Variants in IGF2R observed in about 807,000 individuals in gnomAD.
The protein encoded by IGF2R is cation-independent mannose-6-phosphate receptor.
A neutral mutation model predicts 270.6 loss-of-function variants in IGF2R; 91 were observed. That is an observed-to-expected ratio of 0.34 (90% confidence interval 0.28 to 0.40). The LOEUF (loss-of-function observed/expected upper bound fraction) is 0.40. Among genes scored for constraint, IGF2R ranks in the 10% least tolerant of loss-of-function variants. The pLI is 1.00. For missense variants in IGF2R, 2,805 were observed against 3,188.3 expected (o/e 0.88, Z 2.90); for synonymous variants, 1,316 against 1,258.9 (o/e 1.05, Z -0.96).
intron 1 of IGF2R, among the ~76,000 whole-genome samples, chr6:159,978,688 G>A (rs1389631062): frequency 6.6e-6 from 1 of 152,080 alleles, no homozygotes; most frequent in Non-Finnish European, 1.5e-5. Context: ...GGTTTTCGAG[G>A]TGCCCAAAGC....
At chr6:159,988,746 A>G (rs1242045084) in intron 1 of IGF2R, among the ~76,000 whole-genome samples, 1 of 152,032 alleles carries the variant, frequency 6.6e-6, no homozygotes, top group Non-Finnish European at 1.5e-5. Context: ...ATTTTTCCTG[A>G]GTAGTAGCCA....
chr6:160,066,836 T>C (rs991399849), intron 29 of IGF2R, among the ~76,000 whole-genome samples: 2 of 152,214 alleles, frequency 1.3e-5, no homozygotes, highest in Non-Finnish European at 2.9e-5. Context: ...TTTGGTGATA[T>C]TCACTAAGCT....
chr6:159,972,480 G>C (rs1783624970), intron 1 of IGF2R, among the ~76,000 whole-genome samples: 1 of 152,182 alleles, frequency 6.6e-6, no homozygotes, highest in African/African-American at 2.4e-5. Context: ...CAGAATCCTA[G>C]CCGTAAATTC....
chr6:159,969,751 G>A (rs633863), intron 1 of IGF2R, among the ~76,000 whole-genome samples: 5,414 of 152,242 alleles, frequency 0.036, 138 homozygotes, highest in Non-Finnish European at 0.055. Flanking sequence ...TTGGAGGCAG[G>A]AACTCCAGTT....
chr6:160,007,868 T>C (rs1784268360), intron 2 of IGF2R, among the ~76,000 whole-genome samples: 1 of 152,218 alleles, frequency 6.6e-6, no homozygotes, highest in African/African-American at 2.4e-5. Flanking sequence ...TAGGTCAACC[T>C]CATTAATCTT....
chr6:159,991,834 G>A (rs1018141855), intron 2 of IGF2R, among the ~76,000 whole-genome samples: 5 of 152,338 alleles, frequency 3.3e-5, no homozygotes, highest in East Asian at 1.9e-4. Context: ...AGAAAGAGGT[G>A]CAGCCCCTTC....
At chr6:160,080,341 A>C in intron 39 of IGF2R, 66 bp downstream of exon 39, 1 of 1,485,764 alleles carries the variant, frequency 6.7e-7, no homozygotes. Context: ...CTCGATTCAC[A>C]CTGAGACCTT....
intron 4 of IGF2R, among the ~76,000 whole-genome samples, chr6:160,017,254 C>T (rs1035063211): frequency 2.0e-5 from 3 of 152,042 alleles, no homozygotes; most frequent in African/African-American, 2.4e-5. Flanking sequence ...ATAGACTAGA[C>T]GAAGCAGAAG....
At chr6:160,088,294 C>G in intron 42 of IGF2R, 147 bp downstream of exon 42, 1 of 638,044 alleles carries the variant, frequency 1.6e-6, no homozygotes, top group Non-Finnish European at 2.8e-6. Flanking sequence ...CGGGGCTGCT[C>G]CAGGCAGGGA....
At chr6:160,033,177 C>T (rs1276484900) in intron 9 of IGF2R, 70 bp downstream of exon 9, 3 of 1,170,228 alleles carry the variant, frequency 2.6e-6, no homozygotes, top group African/African-American at 3.1e-5. Context: ...CACTCTGGCG[C>T]CCAGGCTAGA....
At chr6:160,015,125 GA>G (rs1156672797) in intron 4 of IGF2R, among the ~76,000 whole-genome samples, 1 of 152,208 alleles carries the variant, frequency 6.6e-6, no homozygotes, top group Non-Finnish European at 1.5e-5. Context: ...CTGCAGATTT[GA>G]TAGCCTATTT....
At chr6:159,983,055 A>G (rs568063961) in intron 1 of IGF2R, among the ~76,000 whole-genome samples, 1 of 152,274 alleles carries the variant, frequency 6.6e-6, no homozygotes, top group South Asian at 2.1e-4. Context: ...TCCCTATGAC[A>G]TTGTATTTTG....
At chr6:159,977,183 G>A (rs1348390098) in intron 1 of IGF2R, among the ~76,000 whole-genome samples, 1 of 152,200 alleles carries the variant, frequency 6.6e-6, no homozygotes, top group Non-Finnish European at 1.5e-5. Flanking sequence ...CTCTCTTAAA[G>A]TTCTGCTCTG....
intron 35 of IGF2R, 62 bp downstream of exon 35, chr6:160,074,037 C>T (rs904394707): frequency 2.6e-5 from 32 of 1,237,520 alleles, no homozygotes; most frequent in Non-Finnish European, 3.0e-5. Context: ...ATAACCTTTG[C>T]GTTGTTTCTT....
chr6:159,980,236 A>AAAGGAAGAAAGG (rs1491249507), intron 1 of IGF2R, among the ~76,000 whole-genome samples: 3 of 136,078 alleles, frequency 2.2e-5, no homozygotes, highest in Admixed American at 7.4e-5. Flanking sequence ...AGAAAGAAAG[A>AAAGGAAGAAAGG]AAGGTACATG....
At chr6:160,057,185 G>GATCCTTT (rs1163394961) in intron 20 of IGF2R, among the ~76,000 whole-genome samples, 1 of 152,190 alleles carries the variant, frequency 6.6e-6, no homozygotes, top group African/African-American at 2.4e-5. Context: ...GTGTTAATGT[G>GATCCTTT]CCACTTGAGT....
At chr6:160,088,299 C>T in intron 42 of IGF2R, 152 bp downstream of exon 42, 2 of 629,696 alleles carry the variant, frequency 3.2e-6, no homozygotes, top group East Asian at 2.7e-5. Flanking sequence ...CTGCTCCAGG[C>T]AGGGAAGACC....
At chr6:159,995,376 T>A (rs956065129) in intron 2 of IGF2R, among the ~76,000 whole-genome samples, 2 of 152,058 alleles carry the variant, frequency 1.3e-5, no homozygotes, top group African/African-American at 4.8e-5. Flanking sequence ...TTTTTTTTTT[T>A]AAATCTAGTT....
Position 160,083,612 on chromosome 6 carries a change from C to T in IGF2R, c.5834-338C>T, listed in dbSNP as rs566796067. ...TTTCCAGGGCAGAGGTCCCTGCGGC[C>T]TTCCGCAGTGCATTGTGCCCCTGGT... On this transcript the variant is annotated intron_variant, in intron 39 of 47. Coordinates refer to ENST00000356956, the MANE Select transcript of IGF2R (RefSeq NM_000876.4). Among the ~76,000 whole-genome samples, 1,319 of 152,358 alleles carry T rather than the reference C, an allele frequency of 8.7e-3. 12 individuals are homozygous for T. The highest frequency in any genetic ancestry group is 0.03 in the African/African-American group (1,227 of 41,586).
Sources: gnomAD v4.1 joint callset for allele counts (sites outside exome capture counted in the v4.1 genomes callset) on GRCh38, gnomAD v4.1.1 for gene constraint, MANE v1.5 for transcripts, NCBI Gene and HGNC (gene_info 2026-07-23, HGNC 2026-07-21) for gene names.